TTC39B: variants seen among roughly 807,000 people sequenced by gnomAD.
TTC39B encodes tetratricopeptide repeat domain 39B.
A neutral mutation model predicts 96.6 loss-of-function variants in TTC39B; 92 were observed. The observed-to-expected ratio is 0.95, with a 90% CI of 0.80 to 1.13. The LOEUF is 1.13. TTC39B is among the 50% of genes most tolerant of loss of function. The pLI, the probability that TTC39B is intolerant of heterozygous loss-of-function variation, is 0.00. For synonymous variants in TTC39B, 367 were observed against 299.4 expected, an observed-to-expected ratio of 1.23 and a Z score of -2.33; for missense variants, 955 against 809.3, an observed-to-expected ratio of 1.18 and a Z score of -2.18.
intron 14 of TTC39B, among the ~76,000 whole-genome samples, 174 bp downstream of exon 14, chr9:15,187,797 G>A (rs1352581383): frequency 6.6e-6 from 1 of 152,230 alleles, no homozygotes; most frequent in African/African-American, 2.4e-5. Flanking sequence ...AGCATGCAAT[G>A]CTGAGGACAG....
At position 15,225,825 on chromosome 9, in the gene TTC39B, G is replaced by A. The variant is rs183897647; in HGVS notation, c.371+92C>T. ...TCCTGACCTCATTGGTTTGTCAAAC[G>A]CAATGCACTATGCAAATATCAGTAT... On this transcript the variant is annotated intron_variant, in intron 3 of 19. Transcript: ENST00000512701. The A allele has an allele frequency of 3.3e-5, 39 of 1,173,320 alleles. No individual in the cohort carries two copies. In the East Asian group the frequency reaches 8.1e-4, roughly 24 times the overall value. The allele number at this position is 1,173,320 out of a possible 1,614,324, so 72.7% of individuals were successfully genotyped here.
At chr9:15,212,021 G>C (rs967533049) in intron 4 of TTC39B, among the ~76,000 whole-genome samples, 3 of 152,154 alleles carry the variant, frequency 2.0e-5, no homozygotes, top group Admixed American at 1.3e-4. Flanking sequence ...ATGTTAACTA[G>C]AACTAGTCCT....
intron 8 of TTC39B, among the ~76,000 whole-genome samples, chr9:15,199,224 G>A (rs1819364726): frequency 6.6e-6 from 1 of 152,206 alleles, no homozygotes; most frequent in South Asian, 2.1e-4. Context: ...ACTGGGCAGT[G>A]CTGCTCTGGA....
chr9:15,249,928 C>T (rs1195281035), intron 2 of TTC39B: 15 of 1,276,342 alleles, frequency 1.2e-5, no homozygotes, highest in Non-Finnish European at 9.1e-6. Flanking sequence ...AGATTTAGAG[C>T]AGCTGTAACT....
At chr9:15,244,536 A>G (rs1057501662) in intron 2 of TTC39B, among the ~76,000 whole-genome samples, 1 of 152,250 alleles carries the variant, frequency 6.6e-6, no homozygotes, top group African/African-American at 2.4e-5. Flanking sequence ...TTTTAAACTG[A>G]AACATCACAT....
At chr9:15,278,679 T>G (rs1187228972) in intron 1 of TTC39B, among the ~76,000 whole-genome samples, 1 of 152,258 alleles carries the variant, frequency 6.6e-6, no homozygotes, top group African/African-American at 2.4e-5. Flanking sequence ...GGAGGTATTT[T>G]TAAATTAAAA....
intron 2 of TTC39B, among the ~76,000 whole-genome samples, chr9:15,228,523 G>C (rs976212257): frequency 1.3e-5 from 2 of 152,098 alleles, no homozygotes; most frequent in African/African-American, 2.4e-5. Context: ...GTTCCTATAC[G>C]AGCAAATGGA....
chr9:15,185,189 C>CT, intron 16 of TTC39B, 91 bp downstream of exon 16: 1 of 1,473,246 alleles, frequency 6.8e-7, no homozygotes, highest in Non-Finnish European at 9.0e-7. Context: ...TTTAAATGAG[C>CT]TAAACTTCAT....
intron 18 of TTC39B, among the ~76,000 whole-genome samples, chr9:15,176,520 A>G (rs1817946999): frequency 6.6e-6 from 1 of 152,184 alleles, no homozygotes; most frequent in African/African-American, 2.4e-5. Flanking sequence ...CCACGGATGG[A>G]AAGGCACATG....
At chr9:15,243,081 GC>G (rs1432204292) in intron 2 of TTC39B, among the ~76,000 whole-genome samples, 1 of 152,182 alleles carries the variant, frequency 6.6e-6, no homozygotes, top group Admixed American at 6.5e-5. Flanking sequence ...ACAGGATGGG[GC>G]CCTCTACCAG....
chr9:15,201,489 T>C (rs1819536908), intron 7 of TTC39B, among the ~76,000 whole-genome samples: 2 of 152,162 alleles, frequency 1.3e-5, no homozygotes, highest in African/African-American at 2.4e-5. Context: ...CCTGGAAGCA[T>C]TGGTGCTTTA....
At position 15,306,975 on chromosome 9, in the gene TTC39B, G is replaced by A; in HGVS notation, c.240+109C>T. 6.7e-7 allele frequency: 1 copy of A among 1,495,852 alleles called. No individual in the cohort carries two copies. The highest frequency in any genetic ancestry group is 9.0e-7 in the Non-Finnish European group (1 of 1,114,194). The allele number at this position is 1,495,852 out of a possible 1,614,324, so 92.7% of individuals were successfully genotyped here. ...GGCGCCCGCCAGCCCACCCCAGAGAGGGGACCAAGGGGGCGGGGCCTCGGC... is the reference window on the plus strand; with the variant it reads ...GGCGCCCGCCAGCCCACCCCAGAGAAGGGACCAAGGGGGCGGGGCCTCGGC... On this transcript the variant is annotated intron_variant, in intron 1 of 19. Transcript: ENST00000512701. The surrounding 1 kb of genome is among the most constrained non-coding windows in gnomAD (Gnocchi z 5.1).
At chr9:15,216,287 C>G (rs911679323) in intron 3 of TTC39B, among the ~76,000 whole-genome samples, 8 of 152,204 alleles carry the variant, frequency 5.3e-5, no homozygotes, top group African/African-American at 1.9e-4. Context: ...ATACCTAGAA[C>G]ATATTACGTG....
At chr9:15,277,529 T>C (rs1452210370) in intron 1 of TTC39B, among the ~76,000 whole-genome samples, 1 of 152,066 alleles carries the variant, frequency 6.6e-6, no homozygotes, top group Non-Finnish European at 1.5e-5. Context: ...AAGAAGCAGG[T>C]GACCTTGGCC....
chr9:15,233,143 G>A (rs1219029337), intron 2 of TTC39B, among the ~76,000 whole-genome samples: 2 of 152,126 alleles, frequency 1.3e-5, no homozygotes, highest in African/African-American at 2.4e-5. Flanking sequence ...TGTAGCCCTG[G>A]CGAGAAATCT....
At chr9:15,167,161 C>T (rs1321613889) in exon 20 of TTC39B, 1 of 138,358 alleles carries the variant, frequency 7.2e-6, no homozygotes. Flanking sequence ...CTAAGTCTCC[C>T]TAGTAGCTAG....
chr9:15,214,268 GCA>G lies in TTC39B; in HGVS notation c.372-21_372-20del. On this transcript the variant is annotated intron_variant, in intron 3 of 19. Coordinates refer to ENST00000512701, the Ensembl canonical transcript of TTC39B. The stretch of plus-strand genomic sequence containing the variant: ...TGATGAACTAAAGATCAAGAAAAAA[GCA>G]CAGAGAATTTCTATAGCTTTACGAT... 1.3e-6 allele frequency: 2 copies of G among 1,581,714 alleles called. No individual in the cohort carries two copies. Among genetic ancestry groups the G allele is most frequent in the Non-Finnish European group, 8.7e-7 (1 of 1,153,560 alleles).
intron 1 of TTC39B, among the ~76,000 whole-genome samples, chr9:15,282,201 GA>G (rs570647363): frequency 1.8e-4 from 27 of 152,272 alleles, no homozygotes; most frequent in African/African-American, 6.3e-4. Context: ...GAGACTGCCA[GA>G]AGTGATAATT....
At chr9:15,189,171 G>C (rs1005756014) in intron 13 of TTC39B, among the ~76,000 whole-genome samples, 1 of 152,166 alleles carries the variant, frequency 6.6e-6, no homozygotes, top group Non-Finnish European at 1.5e-5. Context: ...GTTTTTGAGG[G>C]AATTCGTTTT....
Sources: gnomAD v4.1 joint callset for allele counts (sites outside exome capture counted in the v4.1 genomes callset) on GRCh38, gnomAD v4.1.1 for gene constraint, Gnocchi (gnomAD v3.1) non-coding constraint, MANE v1.5 for transcripts, NCBI Gene and HGNC (gene_info 2026-07-23, HGNC 2026-07-21) for gene names.